ZC3H12B: variants seen among roughly 807,000 people sequenced by gnomAD.
ZC3H12B encodes zinc finger CCCH-type containing 12B.
Under a neutral mutation model 43.9 loss-of-function variants are expected in ZC3H12B, and 7 were observed. That is an observed-to-expected ratio of 0.16 (90% confidence interval 0.09 to 0.30). The LOEUF (loss-of-function observed/expected upper bound fraction) is 0.30. ZC3H12B is among the 10% of genes least tolerant of loss of function. The probability of loss-of-function intolerance (pLI) is 1.00; values close to 1 mark genes in which losing one functional copy is unlikely to be tolerated. For missense variants in ZC3H12B, 475 were observed against 670.2 expected (o/e 0.71, Z 3.22); for synonymous variants, 222 against 241.7 (o/e 0.92, Z 0.76).
At chrX:65,135,330 A>C in the ZC3H12B span, among the ~76,000 whole-genome samples, 1 of 109,904 alleles carries the variant, frequency 9.1e-6, no homozygotes, top group Middle Eastern at 4.7e-3. Flanking sequence ...CTATTTACTC[A>C]TATTTTTTGT....
chrX:65,085,417 T>A, the ZC3H12B span, among the ~76,000 whole-genome samples: 1 of 110,289 alleles, frequency 9.1e-6, no homozygotes, highest in Non-Finnish European at 1.9e-5. Flanking sequence ...AAATTAAAAA[T>A]AAAAAAAAAT....
chrX:65,127,859 G>T, the ZC3H12B span, among the ~76,000 whole-genome samples: 26,498 of 110,481 alleles, frequency 0.24, 7,696 homozygotes, highest in African/African-American at 0.83. Context: ...TTCCCAAAGG[G>T]CAGTCTCACT....
At chrX:65,457,968 C>A (rs1481379374) in intron 3 of ZC3H12B, among the ~76,000 whole-genome samples, 1 of 64,832 alleles carries the variant, frequency 1.5e-5, no homozygotes, top group African/African-American at 7.2e-5. Context: ...AACCAGAGAC[C>A]TTTGTTCACT....
chrX:65,104,060 C>T, the ZC3H12B span, among the ~76,000 whole-genome samples: 1 of 111,047 alleles, frequency 9.0e-6, no homozygotes, highest in Non-Finnish European at 1.9e-5. Flanking sequence ...GATACTGGTA[C>T]CAAAACAGAT....
chrX:65,100,740 G>C, the ZC3H12B span, among the ~76,000 whole-genome samples: 25 of 109,971 alleles, frequency 2.3e-4, no homozygotes, highest in Non-Finnish European at 4.2e-4. Context: ...GGAGCACCCA[G>C]ATTCATAAAA....
chrX:65,188,308 C>A, the ZC3H12B span, among the ~76,000 whole-genome samples: 2 of 107,775 alleles, frequency 1.9e-5, no homozygotes, highest in Non-Finnish European at 3.8e-5. Context: ...GATTTCCTTT[C>A]TTTGGTCTAT....
chrX:65,473,729 G>A (rs1228614113), intron 3 of ZC3H12B, among the ~76,000 whole-genome samples: 1 of 112,078 alleles, frequency 8.9e-6, no homozygotes, highest in Non-Finnish European at 1.9e-5. Flanking sequence ...TTGAGTAGAA[G>A]TGATGATAAT....
At chrX:65,137,973 C>T in the ZC3H12B span, among the ~76,000 whole-genome samples, 13 of 111,647 alleles carry the variant, frequency 1.2e-4, no homozygotes, top group Admixed American at 2.8e-4. Flanking sequence ...GGATTGCAGG[C>T]GTGCACCACC....
chrX:65,480,573 G>A (rs1045207372), intron 3 of ZC3H12B, among the ~76,000 whole-genome samples: 2 of 112,314 alleles, frequency 1.8e-5, no homozygotes, highest in Admixed American at 9.4e-5. Flanking sequence ...TGGGCCAGAC[G>A]CAGTGGCTCA....
At chrX:65,156,442 G>A in the ZC3H12B span, among the ~76,000 whole-genome samples, 1,137 of 111,532 alleles carry the variant, frequency 0.01, 13 homozygotes, top group African/African-American at 0.035. Context: ...GTGCAATGGC[G>A]CAATCTCGTC....
chrX:65,169,278 C>A, the ZC3H12B span, among the ~76,000 whole-genome samples: 563 of 112,023 alleles, frequency 5.0e-3, 3 homozygotes, highest in African/African-American at 0.016. Flanking sequence ...TTTCTGCCTT[C>A]ATTTGATTAT....
At chrX:65,197,631 C>G in the ZC3H12B span, among the ~76,000 whole-genome samples, 2 of 112,005 alleles carry the variant, frequency 1.8e-5, no homozygotes, top group Non-Finnish European at 3.8e-5. Flanking sequence ...TGGAATTTAC[C>G]TATTTATGTC....
chrX:65,175,620 C>A, the ZC3H12B span, among the ~76,000 whole-genome samples: 1 of 112,102 alleles, frequency 8.9e-6, no homozygotes, highest in Non-Finnish European at 1.9e-5. Flanking sequence ...CTCTGGTCTG[C>A]AGCTCTCAGT....
At chrX:65,296,863 A>G in the ZC3H12B span, among the ~76,000 whole-genome samples, 1 of 111,856 alleles carries the variant, frequency 8.9e-6, no homozygotes, top group Admixed American at 9.5e-5. Flanking sequence ...ATACAGGTCA[A>G]TAAATGTGAT....
chrX:65,265,509 G>A, the ZC3H12B span, among the ~76,000 whole-genome samples: 2 of 111,723 alleles, frequency 1.8e-5, no homozygotes, highest in African/African-American at 6.5e-5. Context: ...CTGGATTATG[G>A]CAACCATTAG....
chrX:65,162,827 G>C, the ZC3H12B span, among the ~76,000 whole-genome samples: 2 of 111,970 alleles, frequency 1.8e-5, no homozygotes, highest in East Asian at 5.6e-4. Flanking sequence ...CGTTCCTTTG[G>C]AGGAGAAGAG....
chrX:65,365,329 G>A (rs898830812), upstream of ZC3H12B, among the ~76,000 whole-genome samples: 1 of 111,145 alleles, frequency 9.0e-6, no homozygotes, highest in Non-Finnish European at 1.9e-5. Context: ...CTAATTCTTA[G>A]TCCTTTAATA....
the ZC3H12B span, among the ~76,000 whole-genome samples, chrX:65,184,603 T>C: frequency 9.0e-6 from 1 of 111,495 alleles, no homozygotes; most frequent in Non-Finnish European, 1.9e-5. Flanking sequence ...ACAGAAACCT[T>C]TGGGAAAGGG....
chrX:65,237,169 C>G, the ZC3H12B span, among the ~76,000 whole-genome samples: 1 of 111,935 alleles, frequency 8.9e-6, no homozygotes, highest in South Asian at 3.7e-4. Context: ...TCAATTATTC[C>G]TATCCATGAG....
Sources: allele counts gnomAD v4.1 joint callset (sites outside exome capture counted in the v4.1 genomes callset), GRCh38; gene constraint gnomAD v4.1.1; transcripts MANE v1.5; gene names NCBI Gene and HGNC (gene_info 2026-07-23, HGNC 2026-07-21).